Variants in SSX2IP observed in about 807,000 individuals in gnomAD.
The protein encoded by SSX2IP is afadin- and alpha-actinin-binding protein.
A neutral mutation model predicts 84.9 loss-of-function variants in SSX2IP; 55 were observed. The ratio of observed to expected loss-of-function variants is 0.65; its 90% CI spans 0.52 to 0.81. The LOEUF is 0.81. Ranked by LOEUF, SSX2IP falls within the 30% of genes least tolerant of loss-of-function variation. The pLI is 0.00. For synonymous variants in SSX2IP, 239 were observed against 234.7 expected, an observed-to-expected ratio of 1.02 and a Z score of -0.17; for missense variants, 664 against 705.2, an observed-to-expected ratio of 0.94 and a Z score of 0.66.
chr1:84,646,671 T>C lies in SSX2IP; in HGVS notation c.*762A>G, dbSNP rs1322374472. The C allele has an allele frequency of 2.0e-5, 3 of 152,558 alleles. No homozygotes were observed. The highest frequency in any genetic ancestry group is 4.4e-5 in the Non-Finnish European group (3 of 67,998). 9.5% of individuals were successfully genotyped at this position (152,558 alleles called of 1,614,324 possible). On this transcript the variant is annotated 3_prime_UTR_variant, in exon 14 of 14. Coordinates refer to ENST00000342203, the MANE Select transcript of SSX2IP (RefSeq NM_001166293.2). ...TTTAAAAATTATAATATTCTACATATACAAAATAAAAATCTAATGTCATAA... is the reference window on the plus strand; with the variant it reads ...TTTAAAAATTATAATATTCTACATACACAAAATAAAAATCTAATGTCATAA...
At chr1:84,669,620 A>G (rs540046823) in intron 4 of SSX2IP, 61 bp downstream of exon 4, 5 of 1,346,632 alleles carry the variant, frequency 3.7e-6, no homozygotes, top group Non-Finnish European at 5.2e-6. Flanking sequence ...TAAAGTCAGT[A>G]AAAATTTATA....
intron 1 of SSX2IP, among the ~76,000 whole-genome samples, chr1:84,689,905 T>C (rs1297359375): frequency 6.6e-6 from 1 of 152,160 alleles, no homozygotes; most frequent in Non-Finnish European, 1.5e-5. Flanking sequence ...AATAACTCGT[T>C]TTAAAGACTG....
At chr1:84,670,531 T>G in intron 3 of SSX2IP, 115 bp downstream of exon 3, 1 of 662,460 alleles carries the variant, frequency 1.5e-6, no homozygotes, top group Non-Finnish European at 2.4e-6. Context: ...AATCTAAGTC[T>G]CAGGGGCACT....
chr1:84,689,283 T>C (rs1332711982), intron 1 of SSX2IP, among the ~76,000 whole-genome samples: 3 of 152,236 alleles, frequency 2.0e-5, no homozygotes, highest in Non-Finnish European at 4.4e-5. Flanking sequence ...CCAACCTTTC[T>C]AGTTCAGGAT....
intron 1 of SSX2IP, among the ~76,000 whole-genome samples, chr1:84,682,328 T>A (rs921598017): frequency 6.6e-6 from 1 of 152,164 alleles, no homozygotes; most frequent in African/African-American, 2.4e-5. Flanking sequence ...GCAACACTTC[T>A]GTTATGTACT....
intron 1 of SSX2IP, among the ~76,000 whole-genome samples, chr1:84,688,871 G>A (rs1656178173): frequency 6.6e-6 from 1 of 152,180 alleles, no homozygotes; most frequent in Admixed American, 6.5e-5. Context: ...TGGGGAAAGA[G>A]AAGGGAAGGA....
chr1:84,690,263 T>C (rs1315636703), intron 1 of SSX2IP, 108 bp downstream of exon 1: 1 of 151,532 alleles, frequency 6.6e-6, no homozygotes, highest in Admixed American at 6.6e-5. Flanking sequence ...CTGAGCCAGG[T>C]GCCGGCTCTC....
chr1:84,683,601 T>C (rs1322640077), intron 1 of SSX2IP, among the ~76,000 whole-genome samples: 2 of 152,208 alleles, frequency 1.3e-5, no homozygotes, highest in African/African-American at 4.8e-5. Context: ...CAGCATATTC[T>C]TTGTACCCCA....
intron 1 of SSX2IP, among the ~76,000 whole-genome samples, chr1:84,682,319 C>A (rs1331304194): frequency 6.6e-6 from 1 of 152,126 alleles, no homozygotes; most frequent in Non-Finnish European, 1.5e-5. Flanking sequence ...TGGTTCTCAG[C>A]AACACTTCTG....
At chr1:84,666,433 T>C (rs915434719) in intron 4 of SSX2IP, among the ~76,000 whole-genome samples, 2 of 152,146 alleles carry the variant, frequency 1.3e-5, no homozygotes, top group African/African-American at 2.4e-5. Context: ...CATCAAATTT[T>C]AATCTACATA....
Position 84,686,946 on chromosome 1 carries a change from T to C in SSX2IP, c.-90+3425A>G, listed in dbSNP as rs778890264. ...AAAAGAATGTTAGTTTCTCTGAATG[T>C]AGAGGCTTTATTAGACGCTCATGGA... On this transcript the variant is annotated intron_variant, in intron 1 of 13. Coordinates refer to ENST00000342203, the MANE Select transcript of SSX2IP (RefSeq NM_001166293.2). Among the ~76,000 whole-genome samples, 84 of 152,082 alleles carry C rather than the reference T, an allele frequency of 5.5e-4. 1 individual carries two copies. Among genetic ancestry groups the C allele is most frequent in the Non-Finnish European group, 8.4e-4 (57 of 68,010 alleles).
chr1:84,681,499 T>C (rs1209004895), intron 1 of SSX2IP, among the ~76,000 whole-genome samples: 2 of 152,244 alleles, frequency 1.3e-5, no homozygotes, highest in African/African-American at 4.8e-5. Context: ...AGTTACAAAA[T>C]GTCACAAATG....
rs777361711 is a variant in SSX2IP, at chr1:84,664,371, G to A, written c.673+46C>T. 23 of 1,507,240 alleles carry A rather than the reference G, an allele frequency of 1.5e-5. 1 individual carries two copies. The South Asian group carries it at 2.8e-4, about 18-fold the overall frequency. 93.4% of individuals were successfully genotyped at this position (1,507,240 alleles called of 1,614,324 possible). A position where few individuals can be genotyped will look rare whatever the true frequency, so the allele number is the denominator to read the frequency against. ...CCTTTTACAATTATTTCTAAGCATA[G>A]TATTAGCTTATTTATTCTCTTAGCT... On this transcript the variant is annotated intron_variant, in intron 6 of 13. Transcript: ENST00000342203.
chr1:84,687,198 G>A (rs1447986948), intron 1 of SSX2IP, among the ~76,000 whole-genome samples: 1 of 152,228 alleles, frequency 6.6e-6, no homozygotes, highest in Non-Finnish European at 1.5e-5. Flanking sequence ...ATAGCTAGTA[G>A]TGTGGTAGAT....
chr1:84,683,189 G>A (rs115484538), intron 1 of SSX2IP, among the ~76,000 whole-genome samples: 74 of 151,526 alleles, frequency 4.9e-4, no homozygotes, highest in Non-Finnish European at 7.2e-4. Context: ...TGTGCAGAAC[G>A]TGCAGGTTTG....
intron 1 of SSX2IP, among the ~76,000 whole-genome samples, chr1:84,672,840 C>T (rs1192481610): frequency 1.3e-5 from 2 of 152,030 alleles, no homozygotes; most frequent in East Asian, 3.9e-4. Context: ...GTCTGGCCAA[C>T]ATGGCGAAAC....
chr1:84,657,678 C>T (rs1651322641), intron 9 of SSX2IP, among the ~76,000 whole-genome samples: 1 of 152,108 alleles, frequency 6.6e-6, no homozygotes, highest in Admixed American at 6.5e-5. Context: ...AAGCAGTGTA[C>T]ACTACACCCA....
intron 9 of SSX2IP, among the ~76,000 whole-genome samples, chr1:84,657,327 CA>C: frequency 6.6e-6 from 1 of 151,890 alleles, no homozygotes; most frequent in South Asian, 2.1e-4. Flanking sequence ...CTTTCAAATC[CA>C]TAGAGGAAAG....
intron 1 of SSX2IP, among the ~76,000 whole-genome samples, chr1:84,672,217 G>C (rs1239412573): frequency 1.3e-5 from 2 of 152,122 alleles, no homozygotes; most frequent in African/African-American, 4.8e-5. Flanking sequence ...CAAGGTCAGG[G>C]GGAAGAGGAG....
Sources: allele counts gnomAD v4.1 joint callset (sites outside exome capture counted in the v4.1 genomes callset), GRCh38; gene constraint gnomAD v4.1.1; transcripts MANE v1.5; gene names NCBI Gene and HGNC (gene_info 2026-07-23, HGNC 2026-07-21).